SNX19: variants seen among roughly 807,000 people sequenced by gnomAD.
SNX19 encodes sorting nexin 19.
SNX19 carries 60 observed loss-of-function variants against 85.2 expected under a neutral mutation model. The ratio of observed to expected loss-of-function variants is 0.70; its 90% CI spans 0.57 to 0.87. The LOEUF (loss-of-function observed/expected upper bound fraction) is 0.87, where lower values mean the gene tolerates loss of function less well. SNX19 is among the 40% of genes least tolerant of loss of function. The pLI is 0.00. For synonymous variants in SNX19, 520 were observed against 470.0 expected (o/e 1.11, Z -1.38); for missense variants, 1,201 against 1,217.8 (o/e 0.99, Z 0.21).
At chr11:130,900,933 T>C (rs906265878) in intron 8 of SNX19, among the ~76,000 whole-genome samples, 2 of 152,222 alleles carry the variant, frequency 1.3e-5, no homozygotes, top group African/African-American at 4.8e-5. Flanking sequence ...GGGAAATGTT[T>C]ATTTCTTTAT....
chr11:130,909,630 G>A (rs1372475712), intron 4 of SNX19, among the ~76,000 whole-genome samples: 1 of 152,122 alleles, frequency 6.6e-6, no homozygotes, highest in Non-Finnish European at 1.5e-5. Context: ...GTCGTCTTAG[G>A]CTCTCTTTCC....
At position 130,878,733 on chromosome 11, in the gene SNX19, C is replaced by A. The variant is rs772810307; in HGVS notation, c.2847-179G>T. Reference sequence around the variant, plus strand: ...ATAAAGCCTCTGACCCTAATAAAGGCAAGAACAGTTTTTATATAAGACTAG... The same window carrying A: ...ATAAAGCCTCTGACCCTAATAAAGGAAAGAACAGTTTTTATATAAGACTAG... On this transcript the variant is annotated intron_variant, in intron 10 of 10. Coordinates refer to ENST00000265909, the MANE Select transcript of SNX19 (RefSeq NM_014758.3). Among the ~76,000 whole-genome samples, 94 of 152,104 alleles carry A rather than the reference C, an allele frequency of 6.2e-4. No individual in the cohort carries two copies. The highest frequency in any genetic ancestry group is 2.2e-3 in the African/African-American group (90 of 41,428).
Position 130,914,648 on chromosome 11 carries a change from T to G in SNX19, c.1292A>C (p.Glu431Ala). The G allele has an allele frequency of 6.2e-7, 1 of 1,613,932 alleles. No homozygotes were observed. The highest frequency in any genetic ancestry group is 2.2e-5 in the East Asian group (1 of 44,862). ...GAEAEEGPGT[E>A]TETGLPVSTL... is the part of the protein sequence containing the mutation. ...GGAGACCGGCAGGCCTGTCTCTGTT[T>G]CTGTCCCTGGACCCTCCTCAGCCTC... The change falls in exon 1 of 11, where the codon GAA becomes GCA. Residue 431 changes from glutamate (E) to alanine (A), a missense_variant. Glu to Ala is a moderately radical substitution (Grantham distance 107). Coordinates refer to ENST00000265909, the MANE Select transcript of SNX19 (RefSeq NM_014758.3).
Position 130,915,884 on chromosome 11 carries a change from T to C in SNX19, c.56A>G (p.His19Arg), listed in dbSNP as rs757002543. The C allele has an allele frequency of 2.7e-5, 44 of 1,614,014 alleles. No individual in the cohort carries two copies. The highest frequency in any genetic ancestry group is 3.4e-5 in the Non-Finnish European group (40 of 1,180,002). The part of the protein sequence containing the change: ...FQETPAGSSC[H>R]LNNLLSSRKL... ...CCGGCTACTCAACAGGTTATTGAGG[T>C]GACAGCTCGATCCAGCTGGAGTTTC... is the stretch of plus-strand genomic sequence containing the variant. The change falls in exon 1 of 11, where the codon CAC becomes CGC. Residue 19 changes from histidine (H) to arginine (R), a missense_variant. By Grantham distance (29) the His-to-Arg change is conservative (BLOSUM62 0). Around this residue, in one of 3 missense-constraint regions of SNX19, gnomAD observed 791 missense variants for 750.9 expected, o/e 1.05. Coordinates refer to ENST00000265909, the MANE Select transcript of SNX19 (RefSeq NM_014758.3).
rs1305895017 is a variant in SNX19 at position 130,871,315 on chromosome 11, C to A, written c.*7107G>T. On this transcript the variant is annotated 3_prime_UTR_variant, in exon 11 of 11. Coordinates refer to ENST00000265909, the MANE Select transcript of SNX19 (RefSeq NM_014758.3). ...GCTGCCCTCACTATTCTTGAAAAAG[C>A]CACTTGCATTTATAGATAACAGAGG... is the stretch of plus-strand genomic sequence containing the variant. 6.6e-6 allele frequency among the ~76,000 whole-genome samples: 1 copy of A among 152,124 alleles called. No homozygotes were observed. Among genetic ancestry groups the A allele is most frequent in the East Asian group, 1.9e-4 (1 of 5,192 alleles).
At chr11:130,900,861 C>A (rs1320792305) in intron 8 of SNX19, among the ~76,000 whole-genome samples, 1 of 152,094 alleles carries the variant, frequency 6.6e-6, no homozygotes, top group East Asian at 1.9e-4. Flanking sequence ...TAATTAGTGA[C>A]ATCCAGAGGT....
intron 8 of SNX19, among the ~76,000 whole-genome samples, chr11:130,898,757 G>T (rs979984692): frequency 6.6e-6 from 1 of 152,220 alleles, no homozygotes; most frequent in East Asian, 1.9e-4. Context: ...CTGTCCCAGG[G>T]ATAGTAACAT....
chr11:130,893,930 T>G, intron 8 of SNX19: 1 of 645,630 alleles, frequency 1.5e-6, no homozygotes, highest in East Asian at 2.7e-5. Context: ...AAAGGGCACT[T>G]GGAGAAGCCT....
Position 130,879,774 on chromosome 11 carries a change from G to C in SNX19, c.2759-63C>G, listed in dbSNP as rs1943529669. On this transcript the variant is annotated intron_variant, in intron 9 of 10. Coordinates refer to ENST00000265909, the MANE Select transcript of SNX19 (RefSeq NM_014758.3). ...ACTGAAGTTTTAGATTCTAAGGACA[G>C]TCTCTCCCCAGGATCTCTGCCGTTT... 2.0e-6 allele frequency: 3 copies of C among 1,470,150 alleles called. No individual in the cohort carries two copies. In the South Asian group the frequency reaches 3.4e-5, roughly 17 times the overall value. 91.1% of individuals were successfully genotyped at this position (1,470,150 alleles called of 1,614,324 possible).
At chr11:130,903,126 C>T in intron 8 of SNX19, 129 bp downstream of exon 8, 1 of 1,329,922 alleles carries the variant, frequency 7.5e-7, no homozygotes, top group Admixed American at 2.3e-5. Context: ...CATTTTTCAT[C>T]CCTGTAACCC....
intron 8 of SNX19, among the ~76,000 whole-genome samples, chr11:130,897,394 A>G (rs1048081265): frequency 6.6e-6 from 1 of 151,992 alleles, no homozygotes; most frequent in Admixed American, 6.5e-5. Context: ...ACACAGACAC[A>G]CACACACACA....
chr11:130,879,713 T>A lies in SNX19; in HGVS notation c.2759-2A>T. Reference sequence around the variant, plus strand: ...CCCCAAGAATTTCTACTACGAGATCTGAGGAGGAAAAAACAGATGGAATTT... The same window carrying A: ...CCCCAAGAATTTCTACTACGAGATCAGAGGAGGAAAAAACAGATGGAATTT... On this transcript the variant is annotated splice_acceptor_variant, in intron 9 of 10. Coordinates refer to ENST00000265909, the MANE Select transcript of SNX19 (RefSeq NM_014758.3). LOFTEE classifies it high-confidence loss of function. 1 of 1,613,632 alleles carries A rather than the reference T, an allele frequency of 6.2e-7. No individual in the cohort carries two copies. The highest frequency in any genetic ancestry group is 8.5e-7 in the Non-Finnish European group (1 of 1,179,700).
rs1943384250 is a variant in SNX19, at chr11:130,878,319, T to C, written c.*103A>G. ...AGTGAGCCACCGAGAACCTAGGCCTTCTTAGCTGTAGCCTACTTGAAGAGG... is the reference window on the plus strand; with the variant it reads ...AGTGAGCCACCGAGAACCTAGGCCTCCTTAGCTGTAGCCTACTTGAAGAGG... On this transcript the variant is annotated 3_prime_UTR_variant, in exon 11 of 11. Coordinates refer to ENST00000265909, the MANE Select transcript of SNX19 (RefSeq NM_014758.3). 1.0e-5 allele frequency: 14 copies of C among 1,343,846 alleles called. No homozygotes were observed. Among genetic ancestry groups the C allele is most frequent in the Admixed American group, 2.3e-5 (1 of 43,880 alleles). 83.2% of individuals were successfully genotyped at this position (1,343,846 alleles called of 1,614,324 possible). A position where few individuals can be genotyped will look rare whatever the true frequency, so the allele number is the denominator to read the frequency against.
At chr11:130,897,086 T>G (rs557962319) in intron 8 of SNX19, among the ~76,000 whole-genome samples, 1 of 152,260 alleles carries the variant, frequency 6.6e-6, no homozygotes, top group African/African-American at 2.4e-5. Flanking sequence ...GCCGCAGCTC[T>G]CCTGACCTTT....
chr11:130,887,337 G>A (rs1944163222), intron 8 of SNX19, among the ~76,000 whole-genome samples: 1 of 152,192 alleles, frequency 6.6e-6, no homozygotes, highest in Non-Finnish European at 1.5e-5. Context: ...ACATATGAAA[G>A]CATTGGGCAC....
chr11:130,911,918 A>G, intron 1 of SNX19, 147 bp from the exon 2 acceptor site: 1 of 735,124 alleles, frequency 1.4e-6, no homozygotes, highest in Non-Finnish European at 2.2e-6. Context: ...TCTGTTCCAG[A>G]ACCTCCTATA....
rs762840703 is a variant in SNX19, at chr11:130,878,581, G to C, written c.2847-27C>G. The C allele has an allele frequency of 2.5e-5, 40 of 1,606,076 alleles. No homozygotes were observed. The East Asian group carries it at 8.7e-4, about 35-fold the overall frequency. Reference sequence around the variant, plus strand: ...TGAAACGAATGGACAAAAAACTTAGGGTCTGGCTCAATCAGGAAACACAAG... The same window carrying C: ...TGAAACGAATGGACAAAAAACTTAGCGTCTGGCTCAATCAGGAAACACAAG... On this transcript the variant is annotated intron_variant, in intron 10 of 10. Transcript: ENST00000265909.
At chr11:130,879,188 C>T (rs1263996530) in intron 10 of SNX19, among the ~76,000 whole-genome samples, 1 of 152,188 alleles carries the variant, frequency 6.6e-6, no homozygotes, top group Non-Finnish European at 1.5e-5. Flanking sequence ...CACAGCTTTG[C>T]TATAAGGCCA....
rs1239506550 is a variant in SNX19, at chr11:130,915,150, G to A, written c.790C>T (p.Leu264Phe). The A allele has an allele frequency of 6.2e-7, 1 of 1,614,178 alleles. No individual in the cohort carries two copies. Among genetic ancestry groups the A allele is most frequent in the Non-Finnish European group, 8.5e-7 (1 of 1,180,028 alleles). Residue 264 changes from leucine (L) to phenylalanine (F), a missense_variant, in exon 1 of 11, where the codon CTC becomes TTC. Leu to Phe is a conservative substitution (Grantham distance 22, BLOSUM62 0). Coordinates refer to ENST00000265909, the MANE Select transcript of SNX19 (RefSeq NM_014758.3). ...CTGGCCTTGGAAAAGATACCCACGA[G>A]TACAAGGTGGATCCAGTCAGGATCT... is the stretch of plus-strand genomic sequence containing the variant. ...LSDPDWIHLVLVGIFSKARDP... is the reference protein window; with the variant it reads ...LSDPDWIHLVFVGIFSKARDP...
Sources: allele counts gnomAD v4.1 joint callset (sites outside exome capture counted in the v4.1 genomes callset), GRCh38; gene constraint gnomAD v4.1.1; regional missense constraint gnomAD v4.1.1; transcripts MANE v1.5; gene names NCBI Gene and HGNC (gene_info 2026-07-23, HGNC 2026-07-21).